Variants in WIPF2 observed in about 807,000 individuals in gnomAD.
The protein encoded by WIPF2 is WAS/WASL-interacting protein family member 2.
A neutral mutation model predicts 38.8 loss-of-function variants in WIPF2; 23 were observed. The ratio of observed to expected loss-of-function variants is 0.59; its 90% CI spans 0.43 to 0.84. The LOEUF is 0.84. WIPF2 is among the 40% of genes least tolerant of loss of function. The pLI is 0.00. For synonymous variants in WIPF2, 210 were observed against 223.2 expected (o/e 0.94, Z 0.53); for missense variants, 574 against 580.5 (o/e 0.99, Z 0.11).
chr17:40,274,931 C>CAAAA (rs777312230), intron 6 of WIPF2, among the ~76,000 whole-genome samples: 52 of 45,546 alleles, frequency 1.1e-3, no homozygotes, highest in Admixed American at 1.9e-3. Context: ...GAATCTGTCT[C>CAAAA]AAAAAAAAAA....
chr17:40,280,804 T>C lies in WIPF2; in HGVS notation c.*2579T>C, dbSNP rs891090479. ...GCACTTGGACTGTGTCACATGGGTA[T>C]TGATTGTATACTTGTTGTCTTGGCC... On this transcript the variant is annotated 3_prime_UTR_variant, in exon 8 of 8. Coordinates refer to ENST00000323571, the MANE Select transcript of WIPF2 (RefSeq NM_133264.5). 8 of 152,594 alleles carry C rather than the reference T, an allele frequency of 5.2e-5. No individual in the cohort carries two copies. The highest frequency in any genetic ancestry group is 1.7e-4 in the African/African-American group (7 of 41,428). 9.5% of individuals were successfully genotyped at this position (152,594 alleles called of 1,614,324 possible).
intron 7 of WIPF2, among the ~76,000 whole-genome samples, 161 bp downstream of exon 7, chr17:40,277,345 G>C (rs889060274): frequency 7.2e-5 from 11 of 151,998 alleles, no homozygotes; most frequent in African/African-American, 2.7e-4. Flanking sequence ...TCAGGAATTC[G>C]AGACCAGCCT....
At chr17:40,219,803 T>C (rs1427181357) in intron 1 of WIPF2, 1 of 152,592 alleles carries the variant, frequency 6.6e-6, no homozygotes, top group Non-Finnish European at 1.5e-5. Context: ...CAATAAGGGC[T>C]CCTGAAGGGT....
Position 40,265,135 on chromosome 17 carries a change from G to A in WIPF2, c.959G>A (p.Ser320Asn). 1 of 1,606,658 alleles carries A rather than the reference G, an allele frequency of 6.2e-7. No individual in the cohort carries two copies. The highest frequency in any genetic ancestry group is 8.5e-7 in the Non-Finnish European group (1 of 1,175,932). The change falls in exon 5 of 8, where the codon AGT (serine) becomes AAT (asparagine). Residue 320 changes from serine (S) to asparagine (N), a missense_variant. Physicochemically the swap from Ser to Asn is conservative, Grantham distance 46. Coordinates refer to ENST00000323571, the MANE Select transcript of WIPF2 (RefSeq NM_133264.5). Reference protein sequence around the residue: ...RPPPPARDPPSRGAAPPPPPP... With the variant: ...RPPPPARDPPNRGAAPPPPPP... The stretch of plus-strand genomic sequence containing the variant: ...CCTCCCCCAGCCCGAGACCCTCCCA[G>A]TCGGGGAGCAGGTAAGTGCTTGGAA...
chr17:40,249,706 G>A lies in WIPF2; in HGVS notation c.-69-6685G>A, dbSNP rs147165516. ...GACCTCAGGTGATCTGCCTGCCTCG[G>A]CCTCCCAAAGTGCTGGGATTACAGG... On this transcript the variant is annotated intron_variant, in intron 1 of 7. Coordinates refer to ENST00000323571, the MANE Select transcript of WIPF2 (RefSeq NM_133264.5). Among the ~76,000 whole-genome samples, 474 of 152,142 alleles carry A rather than the reference G, an allele frequency of 3.1e-3. 4 individuals carry two copies. The highest frequency in any genetic ancestry group is 0.011 in the African/African-American group (451 of 41,514).
chr17:40,248,801 C>G lies in WIPF2; in HGVS notation c.-69-7590C>G, dbSNP rs78866347. 4.1e-3 allele frequency among the ~76,000 whole-genome samples: 625 copies of G among 152,140 alleles called. 16 individuals are homozygous for G. In the East Asian group the frequency reaches 0.079, roughly 19 times the overall value. ...CTGTTGTGGTTTTTTCAGAGAGGAT[C>G]CTGAAATTTGTTTTACCTATCTCTG... On this transcript the variant is annotated intron_variant, in intron 1 of 7. Coordinates refer to ENST00000323571, the MANE Select transcript of WIPF2 (RefSeq NM_133264.5).
At chr17:40,237,241 C>CTTTT (rs533124301) in intron 1 of WIPF2, among the ~76,000 whole-genome samples, 12 of 129,480 alleles carry the variant, frequency 9.3e-5, no homozygotes, top group Non-Finnish European at 1.6e-4. Flanking sequence ...TCAATTTTTC[C>CTTTT]TTTTTTTTTT....
chr17:40,220,150 T>TG (rs1388754321), intron 1 of WIPF2, among the ~76,000 whole-genome samples: 12 of 152,096 alleles, frequency 7.9e-5, no homozygotes, highest in Middle Eastern at 6.8e-3. Context: ...AATTTTTTTT[T>TG]TTTTGTTTTA....
At chr17:40,247,542 G>T (rs565867055) in intron 1 of WIPF2, among the ~76,000 whole-genome samples, 1 of 148,536 alleles carries the variant, frequency 6.7e-6, no homozygotes, top group Non-Finnish European at 1.5e-5. Context: ...CTTTTTTTGA[G>T]ACAGAGTCTT....
intron 2 of WIPF2, among the ~76,000 whole-genome samples, 179 bp from the exon 3 acceptor site, chr17:40,260,356 T>C (rs189622036): frequency 6.6e-6 from 1 of 151,842 alleles, no homozygotes; most frequent in Non-Finnish European, 1.5e-5. Flanking sequence ...TAGCTAAGTT[T>C]TTGTATTTTT....
chr17:40,228,007 TTTG>T (rs1434919954), intron 1 of WIPF2, among the ~76,000 whole-genome samples: 7 of 136,060 alleles, frequency 5.1e-5, no homozygotes, highest in Non-Finnish European at 9.5e-5. Flanking sequence ...TATACCTCTT[TTTG>T]TTTTTTTTTT....
At chr17:40,224,216 T>G (rs1439401231) in intron 1 of WIPF2, among the ~76,000 whole-genome samples, 1 of 149,780 alleles carries the variant, frequency 6.7e-6, no homozygotes, top group Non-Finnish European at 1.5e-5. Flanking sequence ...GCTTATTTTT[T>G]TTTTCTTTTC....
At chr17:40,224,858 A>G (rs1169410874) in intron 1 of WIPF2, among the ~76,000 whole-genome samples, 1 of 151,952 alleles carries the variant, frequency 6.6e-6, no homozygotes, top group African/African-American at 2.4e-5. Flanking sequence ...TTTTGGCAAC[A>G]TGCATCCCTT....
chr17:40,219,399 G>GGCGGCA lies in WIPF2; in HGVS notation c.-163_-162insGCGGCA. 2.4e-6 allele frequency: 1 copy of GGCGGCA among 418,356 alleles called. No individual in the cohort carries two copies. Among genetic ancestry groups the GGCGGCA allele is most frequent in the South Asian group, 2.2e-5 (1 of 45,786 alleles). 25.9% of individuals were successfully genotyped at this position (418,356 alleles called of 1,614,324 possible). A position where few individuals can be genotyped will look rare whatever the true frequency, so the allele number is the denominator to read the frequency against. On this transcript the variant is annotated 5_prime_UTR_variant, in exon 1 of 8. Transcript: ENST00000323571. The stretch of plus-strand genomic sequence containing the variant: ...CGGCGGCGGCGGCGGCGGCGGCGGC[G>GGCGGCA]ACGGCGAGAAAGAGCTTGCCGGGGG...
At position 40,236,854 on chromosome 17, in the gene WIPF2, G is replaced by A. The variant is rs1487726867; in HGVS notation, c.-70+17362G>A. 2.6e-5 allele frequency among the ~76,000 whole-genome samples: 4 copies of A among 152,044 alleles called. No individual in the cohort carries two copies. The South Asian group carries it at 8.3e-4, about 32-fold the overall frequency. On this transcript the variant is annotated intron_variant, in intron 1 of 7. Coordinates refer to ENST00000323571, the MANE Select transcript of WIPF2 (RefSeq NM_133264.5). ...GAACTCCTGATCTCATGATCCACCC[G>A]CCTCGGCCTCCCAAGGTTTCTAACT...
At chr17:40,226,225 A>C (rs1187058773) in intron 1 of WIPF2, among the ~76,000 whole-genome samples, 1 of 141,058 alleles carries the variant, frequency 7.1e-6, no homozygotes, top group Non-Finnish European at 1.5e-5. Context: ...TTTTTTTGAG[A>C]TGGAGTCTCG....
chr17:40,222,987 A>C (rs1598461396), intron 1 of WIPF2, among the ~76,000 whole-genome samples: 1 of 148,228 alleles, frequency 6.7e-6, no homozygotes. Context: ...TTAGTTTTTT[A>C]ACTCTTATTA....
intron 1 of WIPF2, among the ~76,000 whole-genome samples, chr17:40,252,456 G>A (rs1334987068): frequency 6.6e-6 from 1 of 152,106 alleles, no homozygotes; most frequent in African/African-American, 2.4e-5. Flanking sequence ...TTGAGGTCAG[G>A]AGTTTGAGAC....
intron 1 of WIPF2, among the ~76,000 whole-genome samples, chr17:40,250,083 C>A (rs2031503827): frequency 6.6e-6 from 1 of 151,822 alleles, no homozygotes; most frequent in Non-Finnish European, 1.5e-5. Flanking sequence ...CTGCCCGCCT[C>A]AGCCCCCCAG....
Sources: gnomAD v4.1 joint callset for allele counts (sites outside exome capture counted in the v4.1 genomes callset) on GRCh38, gnomAD v4.1.1 for gene constraint, MANE v1.5 for transcripts, NCBI Gene and HGNC (gene_info 2026-07-23, HGNC 2026-07-21) for gene names.